NR2C2: variants seen among roughly 807,000 people sequenced by gnomAD.
The protein encoded by NR2C2 is nuclear receptor subfamily 2 group C member 2.
Under a neutral mutation model 62.9 loss-of-function variants are expected in NR2C2, and 6 were observed. The observed-to-expected ratio is 0.10, with a 90% CI of 0.05 to 0.19. The LOEUF (loss-of-function observed/expected upper bound fraction) is 0.19, where lower values mean the gene tolerates loss of function less well. Among genes scored for constraint, NR2C2 ranks in the 10% least tolerant of loss-of-function variants. NR2C2 has a pLI of 1.00. For synonymous variants in NR2C2, 272 were observed against 273.8 expected (o/e 0.99, Z 0.07); for missense variants, 479 against 762.7 (o/e 0.63, Z 4.38).
intron 1 of NR2C2, among the ~76,000 whole-genome samples, chr3:14,980,226 C>T (rs1341394813): frequency 6.6e-6 from 1 of 151,804 alleles, no homozygotes; most frequent in Non-Finnish European, 1.5e-5. Flanking sequence ...TCACAGCTCA[C>T]TGTAACCTTG....
At chr3:15,016,118 T>C (rs772765231) in intron 3 of NR2C2, 34 bp from the exon 4 acceptor site, 14 of 1,538,762 alleles carry the variant, frequency 9.1e-6, no homozygotes, top group South Asian at 8.9e-5. Flanking sequence ...TGATTTTTAA[T>C]TGGCACCCCT....
chr3:15,030,590 G>A (rs2041956785), intron 9 of NR2C2, 138 bp downstream of exon 9: 1 of 833,840 alleles, frequency 1.2e-6, no homozygotes, highest in Non-Finnish European at 1.8e-6. Context: ...CACTTCGGGA[G>A]GCCAAGGCAC....
intron 3 of NR2C2, among the ~76,000 whole-genome samples, chr3:15,014,885 A>T (rs1442096214): frequency 6.6e-6 from 1 of 152,070 alleles, no homozygotes; most frequent in Non-Finnish European, 1.5e-5. Flanking sequence ...GGTTGCTTCC[A>T]CCTTTTGGCT....
rs2125112384 is a variant in NR2C2 at position 15,044,761 on chromosome 3, A to C, written c.*1753A>C. The stretch of plus-strand genomic sequence containing the variant: ...ACAGGGGTGCAGTCTGGCCAGCTAC[A>C]GACGCCCCTGTGGTGCCACATTGGA... On this transcript the variant is annotated 3_prime_UTR_variant, in exon 14 of 14. Transcript: ENST00000425241. 1.3e-5 allele frequency: 2 copies of C among 152,404 alleles called. No homozygotes were observed. The highest frequency in any genetic ancestry group is 4.1e-4 in the South Asian group (2 of 4,832). The allele number at this position is 152,404 out of a possible 1,614,324, so 9.4% of individuals were successfully genotyped here. A position where few individuals can be genotyped will look rare whatever the true frequency, so the allele number is the denominator to read the frequency against.
intron 13 of NR2C2, 196 bp from the exon 14 acceptor site, chr3:15,042,638 T>G: frequency 5.4e-6 from 3 of 552,586 alleles, no homozygotes; most frequent in East Asian, 3.0e-5. Flanking sequence ...TGTACATACA[T>G]TTTGTACTCA....
intron 1 of NR2C2, among the ~76,000 whole-genome samples, chr3:14,968,189 G>A (rs910537205): frequency 6.6e-6 from 1 of 152,162 alleles, no homozygotes; most frequent in African/African-American, 2.4e-5. Context: ...ACTACCATCA[G>A]AGTGAACAGG....
intron 1 of NR2C2, among the ~76,000 whole-genome samples, chr3:14,995,565 A>G (rs780878296): frequency 1.3e-5 from 2 of 152,022 alleles, no homozygotes; most frequent in Non-Finnish European, 2.9e-5. Context: ...ACCACATTTT[A>G]TCTATTCATC....
At chr3:14,964,800 G>A (rs1462722032) in intron 1 of NR2C2, among the ~76,000 whole-genome samples, 1 of 152,094 alleles carries the variant, frequency 6.6e-6, no homozygotes, top group African/African-American at 2.4e-5. Flanking sequence ...GGGATTACAG[G>A]CGTGAGCCAC....
At chr3:14,958,890 C>A (rs534551066) in intron 1 of NR2C2, among the ~76,000 whole-genome samples, 1 of 152,194 alleles carries the variant, frequency 6.6e-6, no homozygotes, top group Non-Finnish European at 1.5e-5. Flanking sequence ...GCAGGAGAAT[C>A]GCTTGAACCA....
intron 1 of NR2C2, among the ~76,000 whole-genome samples, chr3:14,978,603 C>A (rs1250678428): frequency 6.6e-6 from 1 of 152,206 alleles, no homozygotes; most frequent in Non-Finnish European, 1.5e-5. Flanking sequence ...AGTTTCCTAT[C>A]TGCAGGGTAC....
intron 1 of NR2C2, among the ~76,000 whole-genome samples, chr3:14,974,188 T>C (rs190009334): frequency 1.3e-5 from 2 of 152,242 alleles, no homozygotes; most frequent in Non-Finnish European, 2.9e-5. Flanking sequence ...AGAACCTGTC[T>C]TTTTGTGACT....
At chr3:14,996,966 T>C (rs2040851318) in intron 1 of NR2C2, among the ~76,000 whole-genome samples, 1 of 152,206 alleles carries the variant, frequency 6.6e-6, no homozygotes. Flanking sequence ...GCTTTAAAAC[T>C]TCTTGCAAAT....
chr3:15,018,081 C>T (rs2041560962), intron 4 of NR2C2, among the ~76,000 whole-genome samples: 1 of 152,196 alleles, frequency 6.6e-6, no homozygotes, highest in African/African-American at 2.4e-5. Flanking sequence ...TCACTGCAAC[C>T]TTTGCCTCCC....
chr3:14,967,673 T>C (rs2039896742), intron 1 of NR2C2, among the ~76,000 whole-genome samples: 1 of 152,172 alleles, frequency 6.6e-6, no homozygotes, highest in African/African-American at 2.4e-5. Context: ...TTTTCATATA[T>C]TAAAGGAATG....
At chr3:15,001,939 T>C (rs1435357696) in intron 1 of NR2C2, among the ~76,000 whole-genome samples, 1 of 152,228 alleles carries the variant, frequency 6.6e-6, no homozygotes, top group Non-Finnish European at 1.5e-5. Context: ...TTTGATCTTA[T>C]ATCCTGCAAC....
chr3:14,993,914 A>G (rs373951231), intron 1 of NR2C2, among the ~76,000 whole-genome samples: 17 of 152,160 alleles, frequency 1.1e-4, no homozygotes, highest in Non-Finnish European at 1.5e-5. Context: ...TACCTCAGGC[A>G]AGGTAGCAAA....
At position 15,043,058 on chromosome 3, in the gene NR2C2, C is replaced by A; in HGVS notation, c.*50C>A. ...GCAACAGAATCCTTCCAGGACCGTT[C>A]ACATACAAAGAAAAGTAGTGGTATT... On this transcript the variant is annotated 3_prime_UTR_variant, in exon 14 of 14. Transcript: ENST00000425241. The A allele has an allele frequency of 6.6e-7, 1 of 1,523,352 alleles. No homozygotes were observed. Among genetic ancestry groups the A allele is most frequent in the South Asian group, 1.3e-5 (1 of 78,486 alleles). The allele number at this position is 1,523,352 out of a possible 1,614,324, so 94.4% of individuals were successfully genotyped here. A position where few individuals can be genotyped will look rare whatever the true frequency, so the allele number is the denominator to read the frequency against.
At chr3:14,999,928 A>C (rs529401088) in intron 1 of NR2C2, among the ~76,000 whole-genome samples, 22 of 152,306 alleles carry the variant, frequency 1.4e-4, no homozygotes, top group Non-Finnish European at 2.4e-4. Context: ...ATATATTTAC[A>C]GTACAAAGTG....
intron 10 of NR2C2, 96 bp from the exon 11 acceptor site, chr3:15,034,574 C>A: frequency 1.5e-6 from 2 of 1,291,380 alleles, no homozygotes; most frequent in Non-Finnish European, 2.2e-6. Flanking sequence ...CTGAATTCAC[C>A]TGTTTGGGAA....
Sources: allele counts gnomAD v4.1 joint callset (sites outside exome capture counted in the v4.1 genomes callset), GRCh38; gene constraint gnomAD v4.1.1; transcripts MANE v1.5; gene names NCBI Gene and HGNC (gene_info 2026-07-23, HGNC 2026-07-21).